DIAPH2: variants seen among roughly 807,000 people sequenced by gnomAD.
DIAPH2 encodes diaphanous related formin 2, also known as protein diaphanous homolog 2.
A neutral mutation model predicts 92.7 loss-of-function variants in DIAPH2; 35 were observed. The ratio of observed to expected loss-of-function variants is 0.38; its 90% confidence interval spans 0.29 to 0.50. The LOEUF (loss-of-function observed/expected upper bound fraction) is 0.50, where lower values mean the gene tolerates loss of function less well. DIAPH2 is among the 20% of genes least tolerant of loss of function. The pLI is 0.94. For synonymous variants in DIAPH2, 301 were observed against 280.4 expected, an observed-to-expected ratio of 1.07 and a Z score of -0.73; for missense variants, 701 against 819.5, an observed-to-expected ratio of 0.86 and a Z score of 1.77.
intron 23 of DIAPH2, among the ~76,000 whole-genome samples, chrX:97,251,798 A>G (rs1410819103): frequency 2.7e-5 from 3 of 110,976 alleles, no homozygotes; most frequent in South Asian, 3.8e-4. Flanking sequence ...CTTTCAAGGG[A>G]GAGGAATTCT....
At chrX:97,140,019 CT>C (rs777583551) in intron 21 of DIAPH2, among the ~76,000 whole-genome samples, 20 of 104,168 alleles carry the variant, frequency 1.9e-4, no homozygotes, top group South Asian at 1.2e-3. Flanking sequence ...GAATTGTGTT[CT>C]TTTTTAAAAA....
chrX:96,973,923 G>A (rs1171766098), intron 17 of DIAPH2, among the ~76,000 whole-genome samples: 2 of 110,917 alleles, frequency 1.8e-5, no homozygotes, highest in Non-Finnish European at 3.8e-5. Flanking sequence ...TCGAACTCCC[G>A]ACCTCAGGTG....
intron 4 of DIAPH2, among the ~76,000 whole-genome samples, chrX:96,819,835 C>T (rs2064765730): frequency 8.9e-6 from 1 of 111,832 alleles, no homozygotes. Context: ...CTGCTATGCA[C>T]TGAGCACTTT....
intron 9 of DIAPH2, among the ~76,000 whole-genome samples, chrX:96,927,059 A>G (rs1454157822): frequency 1.8e-5 from 2 of 111,428 alleles, no homozygotes; most frequent in Admixed American, 1.9e-4. Context: ...ATATCAAGCA[A>G]GATTTGTGCG....
At chrX:97,185,329 A>ATATATATATATATATATATATATATG (rs2067574484) in intron 22 of DIAPH2, among the ~76,000 whole-genome samples, 1 of 9,406 alleles carries the variant, frequency 1.1e-4, no homozygotes, top group African/African-American at 3.3e-4. Flanking sequence ...ATATATGTGT[A>ATATATATATATATATATATATATATG]TATATATATA....
chrX:96,779,416 A>G (rs2064400231), intron 4 of DIAPH2, among the ~76,000 whole-genome samples: 1 of 112,257 alleles, frequency 8.9e-6, no homozygotes, highest in Admixed American at 9.5e-5. Context: ...AAGCAGTTCT[A>G]CTTTTCCCCC....
At chrX:97,534,215 C>G (rs1313340835) in intron 26 of DIAPH2, among the ~76,000 whole-genome samples, 6 of 111,436 alleles carry the variant, frequency 5.4e-5, no homozygotes, top group African/African-American at 1.9e-4. Flanking sequence ...TTTTCCATCT[C>G]TTTAACAAAT....
intron 9 of DIAPH2, among the ~76,000 whole-genome samples, chrX:96,928,763 C>T (rs1474742159): frequency 9.0e-6 from 1 of 110,989 alleles, no homozygotes; most frequent in Non-Finnish European, 1.9e-5. Context: ...CACAATATCT[C>T]CTAATTGTTG....
At chrX:97,043,163 G>T (rs1444924156) in intron 17 of DIAPH2, among the ~76,000 whole-genome samples, 1 of 111,674 alleles carries the variant, frequency 9.0e-6, no homozygotes, top group Non-Finnish European at 1.9e-5. Flanking sequence ...CTGTGAATGT[G>T]AACAAGCTTC....
chrX:97,046,231 G>C (rs1044548070), intron 17 of DIAPH2, among the ~76,000 whole-genome samples: 6 of 108,794 alleles, frequency 5.5e-5, no homozygotes, highest in Non-Finnish European at 1.1e-4. Context: ...AATAGTGTTG[G>C]AAAGAAAAAG....
At chrX:97,118,391 CA>C (rs1355024020) in intron 21 of DIAPH2, among the ~76,000 whole-genome samples, 2 of 111,307 alleles carry the variant, frequency 1.8e-5, no homozygotes, top group African/African-American at 6.5e-5. Context: ...CAAGGGAGAG[CA>C]AAAAACCCTG....
intron 1 of DIAPH2, among the ~76,000 whole-genome samples, chrX:96,685,521 G>A (rs1182727192): frequency 8.8e-6 from 1 of 113,050 alleles, no homozygotes; most frequent in Non-Finnish European, 1.9e-5. Context: ...ACCTTTGCGC[G>A]ATTCCATTCT....
At chrX:96,998,981 G>A (rs1014656502) in intron 17 of DIAPH2, among the ~76,000 whole-genome samples, 1 of 112,101 alleles carries the variant, frequency 8.9e-6, no homozygotes, top group Non-Finnish European at 1.9e-5. Flanking sequence ...TGTCAATAAT[G>A]TCCACTTATT....
intron 26 of DIAPH2, among the ~76,000 whole-genome samples, chrX:97,463,919 T>C (rs1014658354): frequency 5.4e-5 from 6 of 111,051 alleles, no homozygotes; most frequent in Non-Finnish European, 7.5e-5. Context: ...ATTCAGCCAT[T>C]CCATGAACAG....
rs748309881 is a variant in DIAPH2 at position 97,287,952 on chromosome X, C to CAAAAAAAAA, written c.2844+40133_2844+40141dup. Among the ~76,000 whole-genome samples, 60 of 39,784 alleles carry CAAAAAAAAA rather than the reference C, an allele frequency of 1.5e-3. 2 individuals carry two copies. Among genetic ancestry groups the CAAAAAAAAA allele is most frequent in the African/African-American group, 6.5e-3 (59 of 9,023 alleles). 34.5% of individuals were successfully genotyped at this position (39,784 alleles called of 115,157 possible). A position where few individuals can be genotyped will look rare whatever the true frequency, so the allele number is the denominator to read the frequency against. ...TGGGTAACAGAGTGAGACTCTGTCT[C>CAAAAAAAAA]AAAAAAAAAAAAAAAAAAAAAAAAA... On this transcript the variant is annotated intron_variant, in intron 23 of 26. Coordinates refer to ENST00000324765, the MANE Select transcript of DIAPH2 (RefSeq NM_006729.5).
At chrX:96,703,955 G>T (rs141527043) in intron 1 of DIAPH2, among the ~76,000 whole-genome samples, 23 of 111,046 alleles carry the variant, frequency 2.1e-4, no homozygotes, top group African/African-American at 7.2e-4. Context: ...TTTGAGACAG[G>T]GTCTTGCTCT....
intron 26 of DIAPH2, among the ~76,000 whole-genome samples, chrX:97,508,937 C>G (rs1249844050): frequency 1.8e-5 from 2 of 108,245 alleles, no homozygotes; most frequent in Non-Finnish European, 3.8e-5. Flanking sequence ...ATAGCTAGGA[C>G]CCCTTAACAA....
intron 23 of DIAPH2, among the ~76,000 whole-genome samples, chrX:97,344,103 C>T (rs753477509): frequency 9.8e-5 from 11 of 112,004 alleles, no homozygotes; most frequent in Admixed American, 2.8e-4. Flanking sequence ...ACATGCAAAT[C>T]GATGGTGGTA....
At chrX:96,805,251 A>G (rs923884299) in intron 4 of DIAPH2, among the ~76,000 whole-genome samples, 2 of 110,977 alleles carry the variant, frequency 1.8e-5, no homozygotes, top group African/African-American at 3.3e-5. Flanking sequence ...ACATACATAT[A>G]TAATCATAGG....
Sources: gnomAD v4.1 joint callset for allele counts (sites outside exome capture counted in the v4.1 genomes callset) on GRCh38, gnomAD v4.1.1 for gene constraint, MANE v1.5 for transcripts, NCBI Gene and HGNC (gene_info 2026-07-23, HGNC 2026-07-21) for gene names.